The following L3MBTL4 variants were observed in gnomAD, a reference collection of about 807,000 sequenced individuals.
L3MBTL4 encodes the protein L3MBTL histone methyl-lysine binding protein 4.
Under a neutral mutation model 84.5 loss-of-function variants are expected in L3MBTL4, and 70 were observed. That is an observed-to-expected ratio of 0.83 (90% CI 0.68 to 1.01). The LOEUF (loss-of-function observed/expected upper bound fraction) is 1.01. Ranked by LOEUF, L3MBTL4 falls within the 50% of genes least tolerant of loss-of-function variation. The probability of loss-of-function intolerance (pLI) is 0.00; values close to 1 mark genes in which losing one functional copy is unlikely to be tolerated. For synonymous variants in L3MBTL4, 274 were observed against 259.8 expected, an observed-to-expected ratio of 1.05 and a Z score of -0.52; for missense variants, 715 against 754.8, an observed-to-expected ratio of 0.95 and a Z score of 0.62.
At chr18:6,096,312 C>T (rs1028539399) in intron 14 of L3MBTL4, among the ~76,000 whole-genome samples, 1 of 152,172 alleles carries the variant, frequency 6.6e-6, no homozygotes, top group Non-Finnish European at 1.5e-5. Flanking sequence ...TTTCTAATTT[C>T]CTCCTAGTTC....
intron 14 of L3MBTL4, among the ~76,000 whole-genome samples, chr18:6,116,772 C>G (rs958562895): frequency 1.4e-4 from 22 of 152,210 alleles, no homozygotes; most frequent in African/African-American, 5.3e-4. Context: ...AATACATACG[C>G]ATGCTGTTTA....
At position 5,955,933 on chromosome 18, in the gene L3MBTL4, G is replaced by A. The variant is rs2298534; in HGVS notation, c.*287C>T. ...GTGACGGAGAAGAATAAAGGTGGAT[G>A]TGTGGGCTTCTTTGGTCTGTCTTGC... On this transcript the variant is annotated 3_prime_UTR_variant, in exon 19 of 19. Transcript: ENST00000317931. 0.37 allele frequency: 105,909 copies of A among 287,304 alleles called. 20,030 individuals are homozygous for A. The highest frequency in any genetic ancestry group is 0.45 in the East Asian group (6,999 of 15,662). 17.8% of individuals were successfully genotyped at this position (287,304 alleles called of 1,614,324 possible). A position where few individuals can be genotyped will look rare whatever the true frequency, so the allele number is the denominator to read the frequency against.
chr18:6,119,182 C>T (rs1156307257), intron 14 of L3MBTL4, among the ~76,000 whole-genome samples: 5 of 139,430 alleles, frequency 3.6e-5, no homozygotes, highest in Non-Finnish European at 3.1e-5. Flanking sequence ...GTTTATTTGC[C>T]ACCAGCTGCT....
At chr18:6,291,548 C>T (rs1049950682) in intron 4 of L3MBTL4, among the ~76,000 whole-genome samples, 14 of 152,084 alleles carry the variant, frequency 9.2e-5, no homozygotes, top group African/African-American at 3.1e-4. Flanking sequence ...AATCCATGCA[C>T]TTATAGCCAA....
At chr18:6,412,679 A>G (rs2144770366) in intron 1 of L3MBTL4, among the ~76,000 whole-genome samples, 1 of 152,120 alleles carries the variant, frequency 6.6e-6, no homozygotes, top group Non-Finnish European at 1.5e-5. Flanking sequence ...CTGCTCACAT[A>G]CGGACTCGGT....
At chr18:6,224,031 T>A (rs537918000) in intron 10 of L3MBTL4, among the ~76,000 whole-genome samples, 2 of 151,694 alleles carry the variant, frequency 1.3e-5, no homozygotes, top group African/African-American at 2.4e-5. Context: ...TTAACCTGGG[T>A]GGAAGGAGAA....
intron 16 of L3MBTL4, among the ~76,000 whole-genome samples, chr18:6,039,771 C>T (rs577024209): frequency 6.6e-6 from 1 of 152,180 alleles, no homozygotes; most frequent in Non-Finnish European, 1.5e-5. Flanking sequence ...TGAAACTAAA[C>T]TCCAGTGCCT....
At chr18:6,312,330 C>A (rs913997014) in intron 1 of L3MBTL4, among the ~76,000 whole-genome samples, 1 of 152,242 alleles carries the variant, frequency 6.6e-6, no homozygotes, top group Non-Finnish European at 1.5e-5. Context: ...GTCCCCAGTG[C>A]TTTACGATGA....
rs779709974 is a variant in L3MBTL4, at chr18:6,244,570, G to A, written c.238C>T (p.His80Tyr). The A allele has an allele frequency of 6.2e-7, 1 of 1,611,950 alleles. No individual in the cohort carries two copies. The highest frequency in any genetic ancestry group is 8.5e-7 in the Non-Finnish European group (1 of 1,178,086). The change falls in exon 6 of 19, where the codon CAT (histidine) becomes TAT (tyrosine). Residue 80 changes from histidine (H) to tyrosine (Y), a missense_variant. Coordinates refer to ENST00000317931, the MANE Select transcript of L3MBTL4 (RefSeq NM_001330559.2). ...ATTCCAATCTGAAAACCATTTTCAT[G>A]CTCTGGAAAGGACTGATCCTACAAA... ...LFSKDQSFPE[H>Y]ENGFQIGMRL...
chr18:6,098,660 G>A lies in L3MBTL4; in HGVS notation c.1200-5132C>T, dbSNP rs930412840. On this transcript the variant is annotated intron_variant, in intron 14 of 18. Coordinates refer to ENST00000317931, the MANE Select transcript of L3MBTL4 (RefSeq NM_001330559.2). Reference sequence around the variant, plus strand: ...TGGAAACGTGGCTTCCTATAGCCCAGGAATTAGACACACAGACTGTAAAGG... The same window carrying A: ...TGGAAACGTGGCTTCCTATAGCCCAAGAATTAGACACACAGACTGTAAAGG... 2.6e-5 allele frequency among the ~76,000 whole-genome samples: 4 copies of A among 152,118 alleles called. No homozygotes were observed. The East Asian group carries it at 7.7e-4, about 29-fold the overall frequency.
chr18:6,339,950 A>G (rs2052529620), intron 1 of L3MBTL4, among the ~76,000 whole-genome samples: 1 of 152,106 alleles, frequency 6.6e-6, no homozygotes, highest in Admixed American at 6.5e-5. Context: ...CTATAAAGAA[A>G]TCTCCAAGCC....
intron 1 of L3MBTL4, among the ~76,000 whole-genome samples, chr18:6,350,277 T>C (rs1184104063): frequency 6.6e-6 from 1 of 152,154 alleles, no homozygotes; most frequent in Non-Finnish European, 1.5e-5. Flanking sequence ...AAAACGTTTG[T>C]GCATAAGAGA....
intron 13 of L3MBTL4, among the ~76,000 whole-genome samples, chr18:6,141,080 A>G (rs1349691397): frequency 6.7e-6 from 1 of 148,864 alleles, no homozygotes; most frequent in African/African-American, 2.4e-5. Flanking sequence ...ACTGAGCACT[A>G]ACTGTGTGCT....
At chr18:6,304,425 T>G (rs2050491544) in intron 3 of L3MBTL4, among the ~76,000 whole-genome samples, 1 of 152,244 alleles carries the variant, frequency 6.6e-6, no homozygotes, top group Admixed American at 6.5e-5. Context: ...TCTGCTAAAA[T>G]GTACTATAAG....
intron 4 of L3MBTL4, among the ~76,000 whole-genome samples, chr18:6,296,130 C>T (rs2050100659): frequency 6.6e-6 from 1 of 152,174 alleles, no homozygotes; most frequent in Non-Finnish European, 1.5e-5. Flanking sequence ...TCTCTCATTA[C>T]ACCCGGGAAG....
At chr18:6,393,289 G>A (rs341223) in intron 1 of L3MBTL4, among the ~76,000 whole-genome samples, 76,865 of 151,754 alleles carry the variant, frequency 0.51, 19,511 homozygotes, top group East Asian at 0.59. Context: ...GCCCCAAACC[G>A]GAATTCAGCG....
intron 10 of L3MBTL4, among the ~76,000 whole-genome samples, chr18:6,221,947 G>A (rs1166450411): frequency 1.3e-5 from 2 of 152,104 alleles, no homozygotes. Context: ...ACAATCATAG[G>A]ACCAAGTGGT....
chr18:6,229,363 C>T (rs970178001), intron 10 of L3MBTL4, among the ~76,000 whole-genome samples: 2 of 152,002 alleles, frequency 1.3e-5, no homozygotes, highest in East Asian at 3.9e-4. Flanking sequence ...TCTATATATA[C>T]CCTGGATATT....
intron 16 of L3MBTL4, among the ~76,000 whole-genome samples, chr18:6,009,468 C>A (rs9947796): frequency 6.6e-6 from 1 of 151,842 alleles, no homozygotes; most frequent in Non-Finnish European, 1.5e-5. Context: ...CCAAAGTCCA[C>A]GGAGAAGTCA....
Sources: allele counts gnomAD v4.1 joint callset (sites outside exome capture counted in the v4.1 genomes callset), GRCh38; gene constraint gnomAD v4.1.1; transcripts MANE v1.5; gene names NCBI Gene and HGNC (gene_info 2026-07-23, HGNC 2026-07-21).